Variants in RGS5 observed in about 807,000 individuals in gnomAD.
RGS5 encodes the protein regulator of G protein signaling 5.
In RGS5, 20 loss-of-function variants were observed where a neutral mutation model predicts 18.9. The ratio of observed to expected loss-of-function variants is 1.06; its 90% CI spans 0.74 to 1.54. RGS5 has a LOEUF of 1.54. RGS5 is among the 40% of genes most tolerant of loss of function. The probability of loss-of-function intolerance (pLI) is 0.00; values close to 1 mark genes in which losing one functional copy is unlikely to be tolerated. For synonymous variants in RGS5, 57 were observed against 76.2 expected, an observed-to-expected ratio of 0.75 and a Z score of 1.31; for missense variants, 201 against 211.8, an observed-to-expected ratio of 0.95 and a Z score of 0.32.
chr1:163,270,612 GT>G (rs1430748099), intron 2 of RGS5, among the ~76,000 whole-genome samples: 1 of 152,102 alleles, frequency 6.6e-6, no homozygotes, highest in Non-Finnish European at 1.5e-5. Context: ...GAATTTACCT[GT>G]TGAGAAGACA....
chr1:163,295,194 G>A (rs1649392786), intron 2 of RGS5, among the ~76,000 whole-genome samples: 1 of 152,034 alleles, frequency 6.6e-6, no homozygotes, highest in South Asian at 2.1e-4. Context: ...CTTTATAGGA[G>A]CACCCCAGTC....
chr1:163,251,233 G>T (rs1393325495), intron 2 of RGS5, among the ~76,000 whole-genome samples: 1 of 151,932 alleles, frequency 6.6e-6, no homozygotes, highest in Non-Finnish European at 1.5e-5. Context: ...CTTTTTCTCT[G>T]TGAAGAATAT....
chr1:163,272,721 A>C (rs1648752138), intron 2 of RGS5, among the ~76,000 whole-genome samples: 1 of 151,996 alleles, frequency 6.6e-6, no homozygotes, highest in African/African-American at 2.4e-5. Flanking sequence ...CTAACCATAG[A>C]TATATGGGTT....
chr1:163,205,448 G>A (rs912992411), upstream of RGS5, among the ~76,000 whole-genome samples: 3 of 151,020 alleles, frequency 2.0e-5, no homozygotes, highest in Admixed American at 6.6e-5. Context: ...TTTCCCTCCT[G>A]AGAATCCCTC....
At chr1:163,243,046 G>T (rs1184430433) in intron 2 of RGS5, among the ~76,000 whole-genome samples, 1 of 152,114 alleles carries the variant, frequency 6.6e-6, no homozygotes, top group Non-Finnish European at 1.5e-5. Context: ...GGCATTTACT[G>T]CCCATCAATG....
At chr1:163,155,631 C>T (rs949908108) in intron 3 of RGS5, among the ~76,000 whole-genome samples, 3 of 152,118 alleles carry the variant, frequency 2.0e-5, no homozygotes, top group Non-Finnish European at 4.4e-5. Flanking sequence ...TCCTATCACC[C>T]CTGCGGACAA....
chr1:163,312,026 A>C (rs979340751), intron 1 of RGS5, among the ~76,000 whole-genome samples: 2 of 152,226 alleles, frequency 1.3e-5, no homozygotes, highest in Admixed American at 1.3e-4. Flanking sequence ...TTGTGTCTCC[A>C]CTCAAATCTC....
At chr1:163,259,962 G>A (rs1648386439) in intron 2 of RGS5, 1 of 152,260 alleles carries the variant, frequency 6.6e-6, no homozygotes, top group African/African-American at 2.4e-5. Context: ...TGGAGAAAGA[G>A]GGCCACATGC....
chr1:163,266,696 T>A (rs1648580448), intron 2 of RGS5: 1 of 152,168 alleles, frequency 6.6e-6, no homozygotes, highest in Non-Finnish European at 1.5e-5. Flanking sequence ...CATTTTATTT[T>A]TTGTACTAAT....
At position 163,285,056 on chromosome 1, in the gene RGS5, G is replaced by A. The variant is rs927678620; in HGVS notation, c.-281+21177C>T. ...CTTATAAAACCACCAGATCTCATGA[G>A]ACTTACTCACTACCATGAGAACAGT... On this transcript the variant is annotated intron_variant, in intron 2 of 5. Transcript: ENST00000618415. Among the ~76,000 whole-genome samples the A allele has an allele frequency of 5.3e-5, 8 of 152,222 alleles. 1 individual carries two copies. The Middle Eastern group carries it at 0.01, about 194-fold the overall frequency.
At chr1:163,250,040 G>C (rs945511487) in intron 2 of RGS5, among the ~76,000 whole-genome samples, 1 of 152,162 alleles carries the variant, frequency 6.6e-6, no homozygotes, top group African/African-American at 2.4e-5. Context: ...GAGGCTGGAA[G>C]TACTCAGCTA....
At chr1:163,300,622 G>T (rs1298289819) in intron 2 of RGS5, 1 of 152,122 alleles carries the variant, frequency 6.6e-6, no homozygotes, top group African/African-American at 2.4e-5. Flanking sequence ...AGCTGTAATT[G>T]GCCTCAAGAG....
chr1:163,256,023 T>C (rs1648262405), intron 2 of RGS5, among the ~76,000 whole-genome samples: 1 of 152,076 alleles, frequency 6.6e-6, no homozygotes, highest in Non-Finnish European at 1.5e-5. Context: ...GGGCAAAAAC[T>C]GGAAGCATTC....
intron 2 of RGS5, among the ~76,000 whole-genome samples, chr1:163,277,980 AAAAT>A (rs1014542396): frequency 2.0e-5 from 3 of 151,990 alleles, no homozygotes; most frequent in African/African-American, 4.8e-5. Context: ...ACAAAAAGAA[AAAAT>A]AAATAAAATA....
chr1:163,242,440 G>A (rs1020522064), intron 2 of RGS5, among the ~76,000 whole-genome samples: 4 of 152,188 alleles, frequency 2.6e-5, no homozygotes, highest in Admixed American at 2.6e-4. Flanking sequence ...ACAGGTGGAA[G>A]AGAGTTGTGA....
At chr1:163,213,901 C>A (rs2101673254) in intron 1 of RGS5, among the ~76,000 whole-genome samples, 1 of 152,296 alleles carries the variant, frequency 6.6e-6, no homozygotes, top group Non-Finnish European at 1.5e-5. Flanking sequence ...AGAAACTTCT[C>A]CACCTGCAAG....
chr1:163,193,481 T>C (rs1350454115), intron 1 of RGS5, among the ~76,000 whole-genome samples: 1 of 152,156 alleles, frequency 6.6e-6, no homozygotes, highest in Non-Finnish European at 1.5e-5. Context: ...TTTGGACTTT[T>C]CAGGAGCTCT....
At chr1:163,186,806 C>T (rs1020183958) in intron 1 of RGS5, among the ~76,000 whole-genome samples, 4 of 151,990 alleles carry the variant, frequency 2.6e-5, no homozygotes, top group Admixed American at 6.6e-5. Context: ...GGAATTGGTC[C>T]GTTACCCTGA....
chr1:163,311,173 C>T (rs1346103183), intron 1 of RGS5, among the ~76,000 whole-genome samples: 1 of 152,212 alleles, frequency 6.6e-6, no homozygotes, highest in African/African-American at 2.4e-5. Flanking sequence ...CCAACCTCTG[C>T]TAGCTTCAAA....
Sources: allele counts gnomAD v4.1 joint callset (sites outside exome capture counted in the v4.1 genomes callset), GRCh38; gene constraint gnomAD v4.1.1; transcripts MANE v1.5; gene names NCBI Gene and HGNC (gene_info 2026-07-23, HGNC 2026-07-21).